The following CDKAL1 variants were observed in gnomAD, a reference collection of about 807,000 sequenced individuals.
The protein encoded by CDKAL1 is threonylcarbamoyladenosine tRNA methylthiotransferase.
Under a neutral mutation model 68.2 loss-of-function variants are expected in CDKAL1, and 32 were observed. The observed-to-expected ratio is 0.47, with a 90% confidence interval of 0.35 to 0.63. The LOEUF (loss-of-function observed/expected upper bound fraction) is 0.63, where lower values mean the gene tolerates loss of function less well. Ranked by LOEUF, CDKAL1 falls within the 30% of genes least tolerant of loss-of-function variation. The probability of loss-of-function intolerance (pLI) is 0.00; values close to 1 mark genes in which losing one functional copy is unlikely to be tolerated. For synonymous variants in CDKAL1, 234 were observed against 244.3 expected, an observed-to-expected ratio of 0.96 and a Z score of 0.39; for missense variants, 606 against 696.7, an observed-to-expected ratio of 0.87 and a Z score of 1.47.
At chr6:21,066,965 A>C (rs1771481725) in intron 12 of CDKAL1, among the ~76,000 whole-genome samples, 1 of 151,950 alleles carries the variant, frequency 6.6e-6, no homozygotes, top group Non-Finnish European at 1.5e-5. Flanking sequence ...TTCTCCCTCC[A>C]TTCACACCCA....
intron 5 of CDKAL1, among the ~76,000 whole-genome samples, chr6:20,737,527 A>G (rs17839864): frequency 0.072 from 10,932 of 152,284 alleles, 534 homozygotes; most frequent in African/African-American, 0.14. Context: ...GTTTGGCAGA[A>G]ATTCTAGGTG....
chr6:20,741,889 G>A (rs1773474954), intron 6 of CDKAL1, among the ~76,000 whole-genome samples: 1 of 152,098 alleles, frequency 6.6e-6, no homozygotes. Context: ...TTGCCACACT[G>A]CTTTCCATAA....
intron 5 of CDKAL1, among the ~76,000 whole-genome samples, chr6:20,703,462 A>AT (rs1328698076): frequency 3.9e-5 from 6 of 152,172 alleles, no homozygotes; most frequent in Non-Finnish European, 8.8e-5. Flanking sequence ...GGAAAAAAAA[A>AT]CCCAACTCTT....
intron 9 of CDKAL1, among the ~76,000 whole-genome samples, chr6:20,939,250 G>T (rs1351034707): frequency 2.6e-5 from 4 of 152,052 alleles, no homozygotes; most frequent in African/African-American, 9.7e-5. Flanking sequence ...TTTTCTGTCT[G>T]TTCCTTCCTC....
At chr6:20,950,203 C>T (rs1168226671) in intron 9 of CDKAL1, among the ~76,000 whole-genome samples, 1 of 152,150 alleles carries the variant, frequency 6.6e-6, no homozygotes, top group African/African-American at 2.4e-5. Flanking sequence ...ACAGGTAATT[C>T]AACCTCTGCC....
chr6:20,797,747 G>A (rs1432640998), intron 8 of CDKAL1, among the ~76,000 whole-genome samples: 1 of 142,102 alleles, frequency 7.0e-6, no homozygotes, highest in Non-Finnish European at 1.5e-5. Context: ...AAGGCTGTAT[G>A]TATGATTGAT....
chr6:20,564,511 T>A (rs889394160), intron 4 of CDKAL1, among the ~76,000 whole-genome samples: 4 of 152,248 alleles, frequency 2.6e-5, no homozygotes, highest in Admixed American at 2.6e-4. Context: ...TGTAAATGGA[T>A]CTTTAATTCA....
intron 4 of CDKAL1, among the ~76,000 whole-genome samples, chr6:20,606,213 A>G (rs1377982332): frequency 1.3e-5 from 2 of 152,188 alleles, no homozygotes; most frequent in African/African-American, 2.4e-5. Context: ...CTGAGACCAT[A>G]TATTTATATA....
intron 5 of CDKAL1, among the ~76,000 whole-genome samples, chr6:20,732,368 G>A (rs369584171): frequency 2.6e-4 from 38 of 147,372 alleles, no homozygotes; most frequent in Admixed American, 4.2e-4. Context: ...CTCTGCCTCC[G>A]GGGTTCAAGC....
chr6:20,780,130 C>T (rs1432647962), intron 7 of CDKAL1, among the ~76,000 whole-genome samples: 1 of 143,798 alleles, frequency 7.0e-6, no homozygotes, highest in Non-Finnish European at 1.5e-5. Context: ...AGACAAAATG[C>T]AATATGTCCA....
chr6:21,052,641 G>A (rs1389447915), intron 11 of CDKAL1, among the ~76,000 whole-genome samples: 1 of 147,992 alleles, frequency 6.8e-6, no homozygotes, highest in African/African-American at 2.5e-5. Context: ...CGAAAGTGCT[G>A]GGACTACAGG....
chr6:20,786,748 C>T (rs1234872517), intron 8 of CDKAL1, among the ~76,000 whole-genome samples: 2 of 152,032 alleles, frequency 1.3e-5, no homozygotes, highest in South Asian at 2.1e-4. Context: ...CTGCCTGCCT[C>T]GGCCTCCCAG....
intron 4 of CDKAL1, among the ~76,000 whole-genome samples, chr6:20,604,676 G>T (rs989284812): frequency 1.3e-5 from 2 of 152,288 alleles, no homozygotes; most frequent in Admixed American, 1.3e-4. Context: ...AAAGTGGCTA[G>T]CCTAATTGAA....
At chr6:20,737,198 C>G (rs1283672852) in intron 5 of CDKAL1, among the ~76,000 whole-genome samples, 2 of 152,180 alleles carry the variant, frequency 1.3e-5, no homozygotes, top group Non-Finnish European at 2.9e-5. Flanking sequence ...AAAAATCCTC[C>G]TAGATTTCCT....
At chr6:20,685,384 A>G (rs1770571651) in intron 5 of CDKAL1, among the ~76,000 whole-genome samples, 1 of 152,100 alleles carries the variant, frequency 6.6e-6, no homozygotes, top group African/African-American at 2.4e-5. Flanking sequence ...TCAGTAGTAC[A>G]TTGTCTTGAT....
rs115230684 is a variant in CDKAL1, at chr6:20,984,746, C to A, written c.910-15481C>A. Reference sequence around the variant, plus strand: ...CTTCTCTCTGACGTCCAACTACAATCTCCAGTGTCCAGCTGCTTCTCCTTT... The same window carrying A: ...CTTCTCTCTGACGTCCAACTACAATATCCAGTGTCCAGCTGCTTCTCCTTT... On this transcript the variant is annotated intron_variant, in intron 10 of 15. Coordinates refer to ENST00000274695, the MANE Select transcript of CDKAL1 (RefSeq NM_017774.3). 4.1e-3 allele frequency among the ~76,000 whole-genome samples: 606 copies of A among 149,612 alleles called. 8 individuals are homozygous for A. Among genetic ancestry groups the A allele is most frequent in the African/African-American group, 0.014 (554 of 40,562 alleles).
intron 13 of CDKAL1, among the ~76,000 whole-genome samples, chr6:21,119,639 G>A (rs1582238161): frequency 6.6e-6 from 1 of 152,246 alleles, no homozygotes; most frequent in East Asian, 1.9e-4. Context: ...CTCCTTCCAT[G>A]TTTGTTGATG....
chr6:20,848,526 T>C (rs961176859), intron 9 of CDKAL1, among the ~76,000 whole-genome samples: 1 of 152,186 alleles, frequency 6.6e-6, no homozygotes, highest in Non-Finnish European at 1.5e-5. Context: ...TGGGTTGGAC[T>C]AGTTAAGGCG....
chr6:21,074,004 T>C (rs967707080), intron 12 of CDKAL1, among the ~76,000 whole-genome samples: 8 of 152,198 alleles, frequency 5.3e-5, no homozygotes, highest in Admixed American at 2.6e-4. Context: ...AGAGCCAATA[T>C]TCTGGGATTC....
Sources: gnomAD v4.1 joint callset for allele counts (sites outside exome capture counted in the v4.1 genomes callset) on GRCh38, gnomAD v4.1.1 for gene constraint, MANE v1.5 for transcripts, NCBI Gene and HGNC (gene_info 2026-07-23, HGNC 2026-07-21) for gene names.